IL12A: variants seen among roughly 807,000 people sequenced by gnomAD.
IL12A encodes interleukin-12 subunit alpha.
IL12A carries 16 observed loss-of-function variants against 23.5 expected under a neutral mutation model. The observed-to-expected ratio is 0.68, with a 90% confidence interval of 0.46 to 1.03. The LOEUF is 1.03. Ranked by LOEUF, IL12A falls within the 50% of genes least tolerant of loss-of-function variation. IL12A has a pLI of 0.00. For synonymous variants in IL12A, 106 were observed against 111.5 expected (o/e 0.95, Z 0.31); for missense variants, 275 against 307.0 (o/e 0.90, Z 0.78).
Position 159,995,435 on chromosome 3 carries a change from A to G in IL12A, c.638A>G (p.Gln213Arg). The change falls in exon 7 of 7, where the codon CAA (glutamine) becomes CGA (arginine). Residue 213 changes from glutamine (Q) to arginine (R), a missense_variant. Transcript: ENST00000305579. ...AATTTCAACAGTGAGACTGTGCCAC[A>G]AAAATCCTCCCTTGAAGAACCGGAT... 1 of 1,607,922 alleles carries G rather than the reference A, an allele frequency of 6.2e-7. No homozygotes were observed.
At chr3:159,990,517 G>A (rs1720266578) in intron 2 of IL12A, among the ~76,000 whole-genome samples, 1 of 152,224 alleles carries the variant, frequency 6.6e-6, no homozygotes, top group Admixed American at 6.5e-5. Context: ...AGCAAGAGTA[G>A]TAATAAATTA....
In IL12A at chr3:159,988,869, C is replaced by T; in HGVS notation, c.-188C>T. Reference sequence around the variant, plus strand: ...TCATTTTGGGCCGAGCTGGAGGCGGCGGGGCCGTCCCGGAACGGCTGCGGC... The same window carrying T: ...TCATTTTGGGCCGAGCTGGAGGCGGTGGGGCCGTCCCGGAACGGCTGCGGC... On this transcript the variant is annotated 5_prime_UTR_variant, in exon 1 of 7. Transcript: ENST00000305579. The T allele has an allele frequency of 1.7e-6, 1 of 593,694 alleles. No individual in the cohort carries two copies. Among genetic ancestry groups the T allele is most frequent in the Non-Finnish European group, 3.0e-6 (1 of 335,558 alleles). 36.8% of individuals were successfully genotyped at this position (593,694 alleles called of 1,614,324 possible). A position where few individuals can be genotyped will look rare whatever the true frequency, so the allele number is the denominator to read the frequency against.
intron 6 of IL12A, among the ~76,000 whole-genome samples, chr3:159,995,099 T>C (rs1720449813): frequency 6.6e-6 from 1 of 152,200 alleles, no homozygotes; most frequent in South Asian, 2.1e-4. Context: ...TAATTAGATA[T>C]TGCAGCAGAT....
intron 1 of IL12A, 185 bp downstream of exon 1, chr3:159,989,359 G>C: frequency 1.7e-6 from 1 of 589,744 alleles, no homozygotes; most frequent in Non-Finnish European, 3.0e-6. Flanking sequence ...TTTTCATCTC[G>C]AAACAGCCTG....
chr3:159,988,875 C>T lies in IL12A; in HGVS notation c.-182C>T, dbSNP rs1720193825. The T allele has an allele frequency of 1.7e-6, 1 of 597,494 alleles. No individual in the cohort carries two copies. The highest frequency in any genetic ancestry group is 3.1e-5 in the Admixed American group (1 of 32,482). The allele number at this position is 597,494 out of a possible 1,614,324, so 37.0% of individuals were successfully genotyped here. ...TGGGCCGAGCTGGAGGCGGCGGGGC[C>T]GTCCCGGAACGGCTGCGGCCGGGCA... On this transcript the variant is annotated 5_prime_UTR_variant, in exon 1 of 7. Coordinates refer to ENST00000305579, the MANE Select transcript of IL12A (RefSeq NM_000882.4).
Position 159,993,709 on chromosome 3 carries a change from C to A in IL12A, c.471C>A (p.Cys157Ter). 6.2e-7 allele frequency: 1 copy of A among 1,614,070 alleles called. No homozygotes were observed. The highest frequency in any genetic ancestry group is 8.5e-7 in the Non-Finnish European group (1 of 1,179,988). Residue 157 changes from cysteine (C) to a stop codon, truncating the protein, a stop_gained, in exon 6 of 7, where the codon TGC becomes TGA. Transcript: ENST00000305579. LOFTEE classifies it high-confidence loss of function. ...CTTGTCATGTCACCCAGGCCCTGTG[C>A]CTTAGTAGTATTTATGAAGACTTGA...
In IL12A at chr3:159,990,329, C is replaced by T. The variant is rs2243120; in HGVS notation, c.264+17C>T. 1 of 1,613,488 alleles carries T rather than the reference C, an allele frequency of 6.2e-7. No individual in the cohort carries two copies. The highest frequency in any genetic ancestry group is 1.3e-5 in the African/African-American group (1 of 74,910). On this transcript the variant is annotated intron_variant, in intron 2 of 6. Transcript: ENST00000305579. Reference sequence around the variant, plus strand: ...CTCCAGAAGGTGAGCCTTTCCTGTCCTCTCCACTGTGGACCTGCACCCTCC... The same window carrying T: ...CTCCAGAAGGTGAGCCTTTCCTGTCTTCTCCACTGTGGACCTGCACCCTCC...
At chr3:159,990,351 C>T (rs771788221) in intron 2 of IL12A, 39 bp downstream of exon 2, 1 of 1,598,844 alleles carries the variant, frequency 6.3e-7, no homozygotes, top group South Asian at 1.1e-5. Flanking sequence ...GACCTGCACC[C>T]TCCCTGAGGA....
chr3:159,990,467 A>C (rs1720263908), intron 2 of IL12A, 155 bp downstream of exon 2: 1 of 684,956 alleles, frequency 1.5e-6, no homozygotes, highest in African/African-American at 1.8e-5. Context: ...CAAATGGCCC[A>C]AGTGTTAAAG....
chr3:159,993,393 G>A (rs1319572398), intron 3 of IL12A, 58 bp from the exon 4 acceptor site: 3 of 1,347,904 alleles, frequency 2.2e-6, no homozygotes, highest in Non-Finnish European at 3.1e-6. Context: ...GAGACCTGAA[G>A]AGTCAGAAAG....
At chr3:159,992,943 T>A in intron 2 of IL12A, 69 bp from the exon 3 acceptor site, 1 of 900,884 alleles carries the variant, frequency 1.1e-6, no homozygotes, top group Non-Finnish European at 1.8e-6. Context: ...CACCCTGGCT[T>A]ACCAGCCTTG....
intron 6 of IL12A, 95 bp downstream of exon 6, chr3:159,993,939 C>T: frequency 7.7e-7 from 1 of 1,291,666 alleles, no homozygotes; most frequent in Non-Finnish European, 1.1e-6. Flanking sequence ...GGTCTGGAGG[C>T]CTTTTAAAGG....
chr3:159,994,367 A>G (rs1323365067), intron 6 of IL12A: 1 of 154,624 alleles, frequency 6.5e-6, no homozygotes, highest in Admixed American at 6.3e-5. Flanking sequence ...TGTGAACCAA[A>G]TAAAAGAATG....
intron 2 of IL12A, among the ~76,000 whole-genome samples, chr3:159,992,200 A>T (rs1720341630): frequency 6.6e-6 from 1 of 152,116 alleles, no homozygotes; most frequent in Admixed American, 6.5e-5. Flanking sequence ...ACTCCTCTTA[A>T]TGTGGGTGTC....
chr3:159,989,240 T>C, intron 1 of IL12A, 66 bp downstream of exon 1: 1 of 1,295,622 alleles, frequency 7.7e-7, no homozygotes, highest in Non-Finnish European at 1.1e-6. Flanking sequence ...TTGGGAAGAG[T>C]GGGTAGAAAC....
At chr3:159,989,437 C>G (rs1481261982) in intron 1 of IL12A, 2 of 524,556 alleles carry the variant, frequency 3.8e-6, no homozygotes, top group Non-Finnish European at 6.7e-6. Flanking sequence ...TTCCTGCTTT[C>G]CTGCCTAGGG....
chr3:159,995,524 A>G lies in IL12A; in HGVS notation c.727A>G (p.Ile243Val), dbSNP rs1447172054. 2 of 1,608,866 alleles carry G rather than the reference A, an allele frequency of 1.2e-6. No homozygotes were observed. Among genetic ancestry groups the G allele is most frequent in the Admixed American group, 1.7e-5 (1 of 59,058 alleles). ...TGCTTTCAGAATTCGGGCAGTGACT[A>G]TTGATAGAGTGATGAGCTATCTGAA... Residue 243 changes from isoleucine to valine, a missense_variant, in exon 7 of 7, where the codon ATT becomes GTT. Ile to Val is a conservative substitution (Grantham distance 29, BLOSUM62 3). Coordinates refer to ENST00000305579, the MANE Select transcript of IL12A (RefSeq NM_000882.4).
chr3:159,988,836 T>G lies in IL12A; in HGVS notation c.-221T>G. 2 of 561,152 alleles carry G rather than the reference T, an allele frequency of 3.6e-6. No individual in the cohort carries two copies. Among genetic ancestry groups the G allele is most frequent in the East Asian group, 3.2e-5 (1 of 31,096 alleles). The allele number at this position is 561,152 out of a possible 1,614,324, so 34.8% of individuals were successfully genotyped here. ...GGACCCCGCGCAGTAACTGCGAACA[T>G]TTCGCTTTCATTTTGGGCCGAGCTG... On this transcript the variant is annotated 5_prime_UTR_variant, in exon 1 of 7. Coordinates refer to ENST00000305579, the MANE Select transcript of IL12A (RefSeq NM_000882.4).
chr3:159,992,216 T>C (rs1720342866), intron 2 of IL12A, among the ~76,000 whole-genome samples: 1 of 152,220 alleles, frequency 6.6e-6, no homozygotes, highest in Non-Finnish European at 1.5e-5. Context: ...GTGTCCCAAC[T>C]CTAGGAAGCT....
Sources: gnomAD v4.1 joint callset for allele counts (sites outside exome capture counted in the v4.1 genomes callset) on GRCh38, gnomAD v4.1.1 for gene constraint, MANE v1.5 for transcripts, NCBI Gene and HGNC (gene_info 2026-07-23, HGNC 2026-07-21) for gene names.